Variants in IQSEC1 observed in about 807,000 individuals in gnomAD.
IQSEC1 encodes IQ motif and Sec7 domain ArfGEF 1.
Under a neutral mutation model 91.0 loss-of-function variants are expected in IQSEC1, and 31 were observed. The ratio of observed to expected loss-of-function variants is 0.34; its 90% CI spans 0.26 to 0.46. The LOEUF is 0.46. IQSEC1 is among the 20% of genes least tolerant of loss of function. The pLI, the probability that IQSEC1 is intolerant of heterozygous loss-of-function variation, is 1.00. For synonymous variants in IQSEC1, 699 were observed against 662.6 expected, an observed-to-expected ratio of 1.05 and a Z score of -0.84; for missense variants, 1,388 against 1,575.6, an observed-to-expected ratio of 0.88 and a Z score of 2.02.
chr3:12,975,084 G>A (rs923455163), intron 1 of IQSEC1, among the ~76,000 whole-genome samples: 8 of 152,228 alleles, frequency 5.3e-5, no homozygotes, highest in Admixed American at 6.5e-5. Flanking sequence ...CTTCCTTTCA[G>A]GCGCAGTGTG....
chr3:13,145,089 G>A (rs13087049), intron 2 of IQSEC1, among the ~76,000 whole-genome samples: 2 of 152,210 alleles, frequency 1.3e-5, no homozygotes, highest in Non-Finnish European at 2.9e-5. Flanking sequence ...TGAAGGGTGG[G>A]GGGGCTGGCA....
rs763062623 is a variant in IQSEC1 at position 12,970,751 on chromosome 3, C to A, written c.24-28886G>T. 6.6e-6 allele frequency among the ~76,000 whole-genome samples: 1 copy of A among 152,228 alleles called. No homozygotes were observed. Among genetic ancestry groups the A allele is most frequent in the Non-Finnish European group, 1.5e-5 (1 of 68,050 alleles). ...TGGTTTTCAGCTTCCTATGTCACTGCTCCCAGAAAGACACCCATGACCAGC... is the reference window on the plus strand; with the variant it reads ...TGGTTTTCAGCTTCCTATGTCACTGATCCCAGAAAGACACCCATGACCAGC... On this transcript the variant is annotated intron_variant, in intron 1 of 13. Coordinates refer to ENST00000613206, the MANE Select transcript of IQSEC1 (RefSeq NM_001134382.3). The surrounding 1 kb of genome is among the most constrained non-coding windows in gnomAD (Gnocchi z 4.4).
chr3:13,264,839 T>C (rs1487284387), intron 1 of IQSEC1, among the ~76,000 whole-genome samples: 1 of 148,552 alleles, frequency 6.7e-6, no homozygotes, highest in Non-Finnish European at 1.5e-5. Flanking sequence ...CTCCCCCTCC[T>C]CTCCCTCTCT....
At chr3:12,954,397 G>A (rs1298409886) in intron 1 of IQSEC1, among the ~76,000 whole-genome samples, 1 of 152,202 alleles carries the variant, frequency 6.6e-6, no homozygotes, top group Non-Finnish European at 1.5e-5. Context: ...CTTGGTGGCT[G>A]TGGATCAATG....
In IQSEC1 at chr3:13,073,289, A is replaced by G. The variant is rs1021735764; in HGVS notation, c.-275T>C. Among the ~76,000 whole-genome samples, 2 of 152,170 alleles carry G rather than the reference A, an allele frequency of 1.3e-5. No individual in the cohort carries two copies. The highest frequency in any genetic ancestry group is 4.8e-5 in the African/African-American group (2 of 41,442). On this transcript the variant is annotated 5_prime_UTR_variant, in exon 1 of 14. Transcript: ENST00000613206. ...AGGACGTCGAGTAACCGTGGTCGCC[A>G]GGCTGGGCGGGGGCGTCCACCTCGC...
At chr3:13,005,151 T>G (rs1702579995) in intron 1 of IQSEC1, among the ~76,000 whole-genome samples, 1 of 152,126 alleles carries the variant, frequency 6.6e-6, no homozygotes, top group African/African-American at 2.4e-5. Flanking sequence ...TTAACCCTTG[T>G]GTGTGGGGTT....
At chr3:13,132,394 A>T (rs955403882) in intron 2 of IQSEC1, among the ~76,000 whole-genome samples, 2 of 152,240 alleles carry the variant, frequency 1.3e-5, no homozygotes, top group Non-Finnish European at 2.9e-5. Context: ...TCAGCCCAAA[A>T]GATCCCCAGC....
In IQSEC1 at chr3:13,052,898, G is replaced by C. The variant is rs572127217; in HGVS notation, c.23+20094C>G. On this transcript the variant is annotated intron_variant, in intron 1 of 13. Coordinates refer to ENST00000613206, the MANE Select transcript of IQSEC1 (RefSeq NM_001134382.3). ...TCTCCAGATAGTGGTGACATTTTCT[G>C]CTTGATACGGCAACATGATTGTGAC... 195 of 781,338 alleles carry C rather than the reference G, an allele frequency of 2.5e-4. 2 individuals carry two copies. The South Asian group carries it at 2.6e-3, about 10-fold the overall frequency. 48.4% of individuals were successfully genotyped at this position (781,338 alleles called of 1,614,324 possible). A position where few individuals can be genotyped will look rare whatever the true frequency, so the allele number is the denominator to read the frequency against.
intron 1 of IQSEC1, among the ~76,000 whole-genome samples, chr3:13,061,437 C>A (rs532250841): frequency 1.3e-5 from 2 of 152,184 alleles, no homozygotes; most frequent in African/African-American, 4.8e-5. Context: ...AATAAGTGTT[C>A]GTTTATAGGT....
intron 1 of IQSEC1, among the ~76,000 whole-genome samples, chr3:13,007,873 G>A (rs1490652533): frequency 6.6e-6 from 1 of 151,870 alleles, no homozygotes; most frequent in Admixed American, 6.6e-5. Flanking sequence ...AGAGTCCAGA[G>A]CCCCCAGCAC....
chr3:13,144,596 C>T (rs1192608410), intron 2 of IQSEC1, among the ~76,000 whole-genome samples: 2 of 152,216 alleles, frequency 1.3e-5, no homozygotes, highest in Admixed American at 1.3e-4. Context: ...ACTTTACTCC[C>T]CCTGGGCACA....
intron 2 of IQSEC1, among the ~76,000 whole-genome samples, chr3:13,136,760 G>A (rs973389081): frequency 2.6e-5 from 4 of 152,222 alleles, no homozygotes; most frequent in African/African-American, 7.2e-5. Context: ...ACATCTCACA[G>A]GACCCAGGGT....
At position 13,259,910 on chromosome 3, in the gene IQSEC1, A is replaced by G. The variant is rs1695352881; in HGVS notation, c.272+22801T>C. On this transcript the variant is annotated intron_variant, in intron 1 of 15. Coordinates refer to the IQSEC1 transcript ENST00000648114. This position sits in a 1 kb window ranked among gnomAD's most constrained non-coding sequence, Gnocchi z 4.6. ...TGACTTTATTTATATACCAATATTT[A>G]GTTCTGCTTGCAATTAAGCAGATCT... Among the ~76,000 whole-genome samples the G allele has an allele frequency of 6.6e-6, 1 of 152,272 alleles. No individual in the cohort carries two copies. The highest frequency in any genetic ancestry group is 1.5e-5 in the Non-Finnish European group (1 of 68,044).
In IQSEC1 at chr3:13,196,589, C is replaced by A. The variant is rs181184108; in HGVS notation, c.273-32456G>T. Among the ~76,000 whole-genome samples the A allele has an allele frequency of 1.9e-3, 297 of 152,366 alleles. 1 individual carries two copies. Among genetic ancestry groups the A allele is most frequent in the African/African-American group, 6.8e-3 (284 of 41,602 alleles). The stretch of plus-strand genomic sequence containing the variant: ...GCCCCATCTCCTGGAGAACAGGCCA[C>A]AGGGAGGGCTGCGTGAGCAGCCTGC... On this transcript the variant is annotated intron_variant, in intron 1 of 15. Coordinates refer to the IQSEC1 transcript ENST00000648114.
At chr3:13,162,174 G>A (rs758340180) in intron 2 of IQSEC1, among the ~76,000 whole-genome samples, 17 of 152,342 alleles carry the variant, frequency 1.1e-4, no homozygotes, top group African/African-American at 4.8e-5. Context: ...TTCTCAGGGC[G>A]ACCCCGTAAG....
chr3:13,247,313 T>A (rs1173432847), intron 1 of IQSEC1, among the ~76,000 whole-genome samples: 3 of 152,166 alleles, frequency 2.0e-5, no homozygotes, highest in Non-Finnish European at 2.9e-5. Flanking sequence ...TCTGTTCCCA[T>A]CTCATAACAT....
chr3:12,990,854 G>A (rs932906429), intron 1 of IQSEC1, among the ~76,000 whole-genome samples: 1 of 152,220 alleles, frequency 6.6e-6, no homozygotes, highest in Non-Finnish European at 1.5e-5. Context: ...TTTTGCAGAC[G>A]AAATGGGAAA....
intron 1 of IQSEC1, among the ~76,000 whole-genome samples, chr3:13,234,101 A>G (rs1317491320): frequency 6.6e-6 from 1 of 152,240 alleles, no homozygotes; most frequent in Non-Finnish European, 1.5e-5. Flanking sequence ...GGGTTTGTCT[A>G]ATTTCGTGCT....
intron 1 of IQSEC1, among the ~76,000 whole-genome samples, chr3:13,210,232 T>A (rs780651792): frequency 6.6e-6 from 1 of 151,958 alleles, no homozygotes; most frequent in Non-Finnish European, 1.5e-5. Flanking sequence ...GGCTGTGGTA[T>A]CCCCCAGGCT....
Sources: gnomAD v4.1 joint callset for allele counts (sites outside exome capture counted in the v4.1 genomes callset) on GRCh38, gnomAD v4.1.1 for gene constraint, Gnocchi (gnomAD v3.1) non-coding constraint, MANE v1.5 for transcripts, NCBI Gene and HGNC (gene_info 2026-07-23, HGNC 2026-07-21) for gene names.